Variants in CNTN4 observed in about 807,000 individuals in gnomAD.
The protein encoded by CNTN4 is contactin 4, also known as contactin-4.
Under a neutral mutation model 122.5 loss-of-function variants are expected in CNTN4, and 77 were observed. The observed-to-expected ratio is 0.63, with a 90% CI of 0.52 to 0.76. CNTN4 has a LOEUF of 0.76. Ranked by LOEUF, CNTN4 falls within the 30% of genes least tolerant of loss-of-function variation. The probability of loss-of-function intolerance (pLI) is 0.00; values close to 1 mark genes in which losing one functional copy is unlikely to be tolerated. For synonymous variants in CNTN4, 512 were observed against 447.0 expected, an observed-to-expected ratio of 1.15 and a Z score of -1.83; for missense variants, 1,256 against 1,259.1, an observed-to-expected ratio of 1.00 and a Z score of 0.04.
intron 5 of CNTN4, among the ~76,000 whole-genome samples, chr3:2,740,829 G>A (rs191674947): frequency 4.6e-5 from 7 of 152,226 alleles, no homozygotes; most frequent in East Asian, 3.9e-4. Flanking sequence ...TTAAAGGACG[G>A]CAGTATTAGT....
intron 6 of CNTN4, among the ~76,000 whole-genome samples, chr3:2,791,032 A>G (rs1312839485): frequency 2.6e-5 from 4 of 152,114 alleles, no homozygotes; most frequent in South Asian, 2.1e-4. Context: ...TAAACCTACT[A>G]TACACTGAAG....
chr3:2,474,302 G>T (rs1406561298), intron 3 of CNTN4, among the ~76,000 whole-genome samples: 1 of 152,102 alleles, frequency 6.6e-6, no homozygotes, highest in East Asian at 1.9e-4. Context: ...TTCATGCTTG[G>T]GGCATGCAGC....
chr3:2,741,887 A>G (rs2089475430), intron 5 of CNTN4, among the ~76,000 whole-genome samples: 2 of 152,238 alleles, frequency 1.3e-5, no homozygotes, highest in Non-Finnish European at 1.5e-5. Context: ...ACAGAAACCT[A>G]TTATGTTTTT....
chr3:2,782,943 A>G (rs2091663766), intron 6 of CNTN4, among the ~76,000 whole-genome samples: 2 of 152,166 alleles, frequency 1.3e-5, no homozygotes, highest in East Asian at 1.9e-4. Flanking sequence ...TTACTTAGCT[A>G]TGTCAGGGAT....
chr3:2,197,050 G>GAAAAAAAAA (rs756328918), intron 2 of CNTN4, among the ~76,000 whole-genome samples: 4 of 87,068 alleles, frequency 4.6e-5, no homozygotes, highest in East Asian at 2.7e-4. Context: ...GGTCTCACCA[G>GAAAAAAAAA]AAAAAAAAAA....
intron 4 of CNTN4, among the ~76,000 whole-genome samples, chr3:2,699,973 A>C (rs1341262846): frequency 6.6e-6 from 1 of 152,118 alleles, no homozygotes; most frequent in Non-Finnish European, 1.5e-5. Flanking sequence ...ATAATGCTGC[A>C]CCAAACAGAT....
At chr3:2,415,040 T>A (rs2047364170) in intron 3 of CNTN4, among the ~76,000 whole-genome samples, 2 of 152,184 alleles carry the variant, frequency 1.3e-5, no homozygotes, top group South Asian at 4.1e-4. Context: ...AATACAAGTG[T>A]AGGTTTAATC....
chr3:2,888,234 G>A (rs1027503145), intron 10 of CNTN4, among the ~76,000 whole-genome samples: 14 of 152,166 alleles, frequency 9.2e-5, no homozygotes, highest in African/African-American at 3.4e-4. Context: ...GGGGCCCAGA[G>A]TAACATTGAA....
chr3:2,362,622 G>T, intron 3 of CNTN4: 1 of 474,452 alleles, frequency 2.1e-6, no homozygotes, highest in South Asian at 1.7e-5. Context: ...GATAGCAAGG[G>T]CTGAGGGCCT....
At chr3:2,163,800 A>G (rs1266652017) in intron 2 of CNTN4, among the ~76,000 whole-genome samples, 3 of 152,318 alleles carry the variant, frequency 2.0e-5, no homozygotes, top group African/African-American at 7.2e-5. Context: ...ACGAGATATA[A>G]TCTCACACAA....
Position 2,624,470 on chromosome 3 carries a change from T to C in CNTN4, c.55+52912T>C, listed in dbSNP as rs907775686. Among the ~76,000 whole-genome samples, 10 of 152,054 alleles carry C rather than the reference T, an allele frequency of 6.6e-5. No homozygotes were observed. The South Asian group carries it at 2.1e-3, about 32-fold the overall frequency. ...ATTTGGGGACTAATGCCTTACCTTC[T>C]ACTTGTCAACCTTGCAACCTGCCTG... is the stretch of plus-strand genomic sequence containing the variant. On this transcript the variant is annotated intron_variant, in intron 4 of 24. Coordinates refer to ENST00000418658, the MANE Select transcript of CNTN4 (RefSeq NM_175607.3).
chr3:2,336,110 G>T (rs1225439566), intron 2 of CNTN4, among the ~76,000 whole-genome samples: 1 of 152,098 alleles, frequency 6.6e-6, no homozygotes, highest in African/African-American at 2.4e-5. Context: ...AGTGTAACTG[G>T]AGCACAAGAT....
intron 3 of CNTN4, among the ~76,000 whole-genome samples, chr3:2,445,630 G>T (rs951460641): frequency 6.6e-6 from 1 of 152,044 alleles, no homozygotes; most frequent in Non-Finnish European, 1.5e-5. Flanking sequence ...AGAAAACATG[G>T]ATGTTAATGC....
intron 3 of CNTN4, among the ~76,000 whole-genome samples, chr3:2,453,692 T>G (rs1232746679): frequency 6.6e-6 from 1 of 152,168 alleles, no homozygotes; most frequent in African/African-American, 2.4e-5. Flanking sequence ...TGAAAAAATA[T>G]TAGCACATTT....
intron 2 of CNTN4, among the ~76,000 whole-genome samples, chr3:2,125,915 G>GTC (rs2034124609): frequency 6.6e-6 from 1 of 151,408 alleles, no homozygotes; most frequent in African/African-American, 2.4e-5. Context: ...GTGTGTGTGT[G>GTC]TGTGTGTGTG....
intron 6 of CNTN4, among the ~76,000 whole-genome samples, chr3:2,789,414 C>T (rs2091938615): frequency 6.6e-6 from 1 of 152,146 alleles, no homozygotes; most frequent in Non-Finnish European, 1.5e-5. Flanking sequence ...GACCTAGTTG[C>T]CAAAGTGGAT....
At chr3:2,243,203 A>G (rs1159967527) in intron 2 of CNTN4, among the ~76,000 whole-genome samples, 3 of 152,136 alleles carry the variant, frequency 2.0e-5, no homozygotes, top group Non-Finnish European at 4.4e-5. Flanking sequence ...TACCTTTGTT[A>G]AGACCTAGCT....
chr3:2,881,523 A>G (rs1395836845), intron 8 of CNTN4, among the ~76,000 whole-genome samples: 1 of 151,828 alleles, frequency 6.6e-6, no homozygotes, highest in African/African-American at 2.4e-5. Flanking sequence ...AAGAAAAAAA[A>G]AAAAAAAACA....
chr3:2,121,384 G>T (rs187326561), intron 2 of CNTN4, among the ~76,000 whole-genome samples: 111 of 152,054 alleles, frequency 7.3e-4, no homozygotes, highest in African/African-American at 2.6e-3. Context: ...TGTAAACCCA[G>T]CTACTCAGGA....
Sources: allele counts gnomAD v4.1 joint callset (sites outside exome capture counted in the v4.1 genomes callset), GRCh38; gene constraint gnomAD v4.1.1; transcripts MANE v1.5; gene names NCBI Gene and HGNC (gene_info 2026-07-23, HGNC 2026-07-21).